The following PGAP1 variants were observed in gnomAD, a reference collection of about 807,000 sequenced individuals.
PGAP1 encodes the protein post-GPI attachment to proteins inositol deacylase 1.
Under a neutral mutation model 127.0 loss-of-function variants are expected in PGAP1, and 76 were observed. The ratio of observed to expected loss-of-function variants is 0.60; its 90% confidence interval spans 0.50 to 0.72. The LOEUF is 0.72. Among genes scored for constraint, PGAP1 ranks in the 30% least tolerant of loss-of-function variants. The pLI is 0.00. For synonymous variants in PGAP1, 362 were observed against 366.5 expected (o/e 0.99, Z 0.14); for missense variants, 982 against 1,071.3 (o/e 0.92, Z 1.16).
Position 196,841,126 on chromosome 2 carries a change from C to CTTTTTTTTTTTTTTTTTTTT in PGAP1, c.*107_*108insAAAAAAAAAAAAAAAAAAAA. ...CTATTTTCAATATTGTAAAAATAGACTTGTCTTCTCCAAAGGATCTTGCTG... is the reference window on the plus strand; with the variant it reads ...CTATTTTCAATATTGTAAAAATAGACTTTTTTTTTTTTTTTTTTTTTTGTCTTCTCCAAAGGATCTTGCTG... On this transcript the variant is annotated 3_prime_UTR_variant, in exon 27 of 27. Coordinates refer to ENST00000354764, the MANE Select transcript of PGAP1 (RefSeq NM_024989.4). 1 of 1,147,534 alleles carries CTTTTTTTTTTTTTTTTTTTT rather than the reference C, an allele frequency of 8.7e-7. No homozygotes were observed. The allele number at this position is 1,147,534 out of a possible 1,614,324, so 71.1% of individuals were successfully genotyped here.
In PGAP1 at chr2:196,844,870, A is replaced by G. The variant is rs80167171; in HGVS notation, c.2287-296T>C. On this transcript the variant is annotated intron_variant, in intron 23 of 26. Transcript: ENST00000354764. ...AGGATATACCGCTATACCTTTTATA[A>G]CCTGTAAAAGCCTATGTTTGAATGA... is the stretch of plus-strand genomic sequence containing the variant. 6.5e-3 allele frequency among the ~76,000 whole-genome samples: 993 copies of G among 152,188 alleles called. 4 individuals are homozygous for G. Among genetic ancestry groups the G allele is most frequent in the Non-Finnish European group, 9.9e-3 (669 of 67,910 alleles).
Position 196,898,376 on chromosome 2 carries a change from GA to G in PGAP1, c.808-8del. 6.3e-7 allele frequency: 1 copy of G among 1,597,540 alleles called. No homozygotes were observed. Among genetic ancestry groups the G allele is most frequent in the Non-Finnish European group, 8.5e-7 (1 of 1,169,690 alleles). ...TCTTAGGCACTGCTGAACTCTAAAA[GA>G]AAAGAAAAAAATAAACTTACGAAAA... On this transcript the variant is annotated splice_polypyrimidine_tract_variant and splice_region_variant and intron_variant, in intron 5 of 26. Transcript: ENST00000354764.
chr2:196,841,399 T>C (rs2125774092), intron 26 of PGAP1, 27 bp from the exon 27 acceptor site: 12 of 1,584,022 alleles, frequency 7.6e-6, no homozygotes, highest in Non-Finnish European at 1.0e-5. Flanking sequence ...AAATATACAT[T>C]ACTTATGTGA....
intron 13 of PGAP1, among the ~76,000 whole-genome samples, chr2:196,879,688 CTT>C (rs1701671974): frequency 6.6e-6 from 1 of 152,052 alleles, no homozygotes; most frequent in Admixed American, 6.6e-5. Flanking sequence ...GAGCAAGACT[CTT>C]TCTCAAAAAA....
intron 7 of PGAP1, among the ~76,000 whole-genome samples, chr2:196,896,443 C>T (rs1702273144): frequency 6.6e-6 from 1 of 151,990 alleles, no homozygotes; most frequent in African/African-American, 2.4e-5. Flanking sequence ...ATAGTGAGAA[C>T]TTATCTCTCA....
chr2:196,925,585 A>G (rs1040624700), intron 1 of PGAP1, among the ~76,000 whole-genome samples: 1 of 152,186 alleles, frequency 6.6e-6, no homozygotes, highest in African/African-American at 2.4e-5. Context: ...TCTAGATCCT[A>G]CTATGCCGAA....
intron 20 of PGAP1, among the ~76,000 whole-genome samples, chr2:196,855,252 G>C (rs1700840087): frequency 6.6e-6 from 1 of 150,410 alleles, no homozygotes; most frequent in Admixed American, 6.6e-5. Context: ...CTTGAACCTG[G>C]GAGGCAGAAG....
intron 20 of PGAP1, among the ~76,000 whole-genome samples, chr2:196,850,870 CA>C (rs1306579881): frequency 2.0e-5 from 3 of 151,846 alleles, no homozygotes; most frequent in African/African-American, 7.3e-5. Flanking sequence ...GCAGCAGCAG[CA>C]GCAAAAAAAG....
At chr2:196,880,410 A>G (rs1489808017) in intron 12 of PGAP1, among the ~76,000 whole-genome samples, 2 of 152,036 alleles carry the variant, frequency 1.3e-5, no homozygotes, top group Non-Finnish European at 2.9e-5. Context: ...AAAACAAATG[A>G]CATTTAACAT....
In PGAP1 at chr2:196,870,947, A is replaced by G; in HGVS notation, c.1761T>C (p.Leu587=). Reference sequence around the variant, plus strand: ...AGCCAGGAATCTCTCTTACCTGTCCAAGTATTTGTGAAAAGGAAGTCTTAA... The same window carrying G: ...AGCCAGGAATCTCTCTTACCTGTCCGAGTATTTGTGAAAAGGAAGTCTTAA... ...VTVKTSFSQI[L]GQVVRFHGGA... Residue 587 remains leucine (L), a synonymous_variant, in exon 19 of 27, where the codon CTT becomes CTC. Coordinates refer to ENST00000354764, the MANE Select transcript of PGAP1 (RefSeq NM_024989.4). 6.2e-7 allele frequency: 1 copy of G among 1,607,440 alleles called. No homozygotes were observed. The highest frequency in any genetic ancestry group is 8.5e-7 in the Non-Finnish European group (1 of 1,174,450).
At chr2:196,916,191 T>C (rs926211591) in intron 3 of PGAP1, among the ~76,000 whole-genome samples, 2 of 152,140 alleles carry the variant, frequency 1.3e-5, no homozygotes, top group African/African-American at 4.8e-5. Context: ...ATATATAAAG[T>C]TTTAAAAAGT....
At chr2:196,858,700 T>C (rs1700969398) in intron 20 of PGAP1, among the ~76,000 whole-genome samples, 1 of 151,438 alleles carries the variant, frequency 6.6e-6, no homozygotes, top group Non-Finnish European at 1.5e-5. Flanking sequence ...ATAAAAGAAA[T>C]TGAGACTGAA....
At chr2:196,870,290 T>A (rs1030417053) in intron 19 of PGAP1, among the ~76,000 whole-genome samples, 3 of 151,482 alleles carry the variant, frequency 2.0e-5, no homozygotes, top group Admixed American at 1.3e-4. Flanking sequence ...TTTTTCTTTT[T>A]CTTTCTTTCT....
rs1460046663 is a variant in PGAP1, at chr2:196,885,430, T to G, written c.1266A>C (p.Thr422=). Residue 422 remains threonine (T), a synonymous_variant, in exon 12 of 27, where the codon ACA becomes ACC. Coordinates refer to ENST00000354764, the MANE Select transcript of PGAP1 (RefSeq NM_024989.4). ...DLSWKAELLP[T]IKYLTLRLQD... is the part of the protein sequence containing the mutation. ...TTCTGAAGCCATAATTTACCTTAAT[T>G]GTTGGCAGCAGTTCAGCTTTCCATG... 6.3e-7 allele frequency: 1 copy of G among 1,599,982 alleles called. No homozygotes were observed. The highest frequency in any genetic ancestry group is 1.7e-5 in the Admixed American group (1 of 59,058).
At chr2:196,853,682 C>A (rs561016790) in intron 20 of PGAP1, among the ~76,000 whole-genome samples, 6 of 152,244 alleles carry the variant, frequency 3.9e-5, no homozygotes, top group African/African-American at 1.2e-4. Context: ...TTACACAGTA[C>A]TGATGTTTTA....
intron 6 of PGAP1, 92 bp from the exon 7 acceptor site, chr2:196,897,289 T>A (rs10497799): frequency 4.3e-6 from 3 of 696,952 alleles, no homozygotes; most frequent in African/African-American, 3.8e-5. Flanking sequence ...AGTGGAACAT[T>A]TGAGTTTCCT....
chr2:196,872,611 A>G, intron 17 of PGAP1, 62 bp from the exon 18 acceptor site: 1 of 1,169,738 alleles, frequency 8.5e-7, no homozygotes, highest in Non-Finnish European at 1.3e-6. Flanking sequence ...GCCATGGCTA[A>G]GTTAATCCTC....
chr2:196,857,291 T>A (rs1330792300), intron 20 of PGAP1, among the ~76,000 whole-genome samples: 5 of 152,246 alleles, frequency 3.3e-5, no homozygotes, highest in Non-Finnish European at 5.9e-5. Flanking sequence ...CCTAACAGTT[T>A]AATGCTGGCC....
chr2:196,897,251 G>T, intron 6 of PGAP1, 54 bp from the exon 7 acceptor site: 2 of 1,099,866 alleles, frequency 1.8e-6, no homozygotes, highest in South Asian at 3.1e-5. Flanking sequence ...ATATACTTTT[G>T]ATCAAAATAT....
Sources: allele counts gnomAD v4.1 joint callset (sites outside exome capture counted in the v4.1 genomes callset), GRCh38; gene constraint gnomAD v4.1.1; transcripts MANE v1.5; gene names NCBI Gene and HGNC (gene_info 2026-07-23, HGNC 2026-07-21).